SEZ6L: variants seen among roughly 807,000 people sequenced by gnomAD.
SEZ6L encodes seizure related 6 homolog like.
A neutral mutation model predicts 106.2 loss-of-function variants in SEZ6L; 37 were observed. The observed-to-expected ratio is 0.35, with a 90% CI of 0.27 to 0.46. The LOEUF (loss-of-function observed/expected upper bound fraction) is 0.46, where lower values mean the gene tolerates loss of function less well. SEZ6L is among the 20% of genes least tolerant of loss of function. The pLI, the probability that SEZ6L is intolerant of heterozygous loss-of-function variation, is 1.00. For synonymous variants in SEZ6L, 541 were observed against 570.4 expected, an observed-to-expected ratio of 0.95 and a Z score of 0.73; for missense variants, 1,172 against 1,332.8, an observed-to-expected ratio of 0.88 and a Z score of 1.88.
Position 26,313,874 on chromosome 22 carries a change from G to A in SEZ6L, c.1987G>A (p.Glu663Lys), listed in dbSNP as rs780458720. 19 of 1,609,008 alleles carry A rather than the reference G, an allele frequency of 1.2e-5. No homozygotes were observed. The highest frequency in any genetic ancestry group is 3.3e-5 in the South Asian group (3 of 90,942). Residue 663 changes from glutamate to lysine, a missense_variant, in exon 9 of 17, where the codon GAG becomes AAG. Transcript: ENST00000248933. ...TATCTGGAAGATCCACGTGGGAGAA[G>A]AGAAACGGATCTTCTTAGATATCCA... ...DCIWKIHVGE[E>K]KRIFLDIQFL...
At chr22:26,301,592 GA>G (rs2081456529) in intron 5 of SEZ6L, among the ~76,000 whole-genome samples, 1 of 152,254 alleles carries the variant, frequency 6.6e-6, no homozygotes, top group South Asian at 2.1e-4. Flanking sequence ...TTGCAATGCA[GA>G]AAAGGTATAC....
intron 16 of SEZ6L, 27 bp downstream of exon 16, chr22:26,377,802 C>T: frequency 6.8e-7 from 1 of 1,462,522 alleles, no homozygotes; most frequent in Non-Finnish European, 9.6e-7. Flanking sequence ...CGTCTCTTCC[C>T]AATTCCCTCC....
At chr22:26,196,093 G>A (rs986960044) in intron 1 of SEZ6L, among the ~76,000 whole-genome samples, 1 of 152,124 alleles carries the variant, frequency 6.6e-6, no homozygotes, top group African/African-American at 2.4e-5. Context: ...TTGATCATGG[G>A]GGTGGTCCTT....
chr22:26,316,882 AAGAAAGAAAG>A, intron 9 of SEZ6L, among the ~76,000 whole-genome samples: 1 of 74,894 alleles, frequency 1.3e-5, no homozygotes, highest in East Asian at 3.4e-4. Flanking sequence ...GAAAGAAAGA[AAGAAAGAAAG>A]AGAAAGAAAG....
At chr22:26,349,995 A>G (rs57076714) in intron 11 of SEZ6L, among the ~76,000 whole-genome samples, 5,055 of 151,856 alleles carry the variant, frequency 0.033, 275 homozygotes, top group African/African-American at 0.12. Flanking sequence ...GCTCCCCCTC[A>G]CTTTGTTCTC....
rs914543161 is a variant in SEZ6L, at chr22:26,359,593, T to G, written c.2600-5779T>G. Reference sequence around the variant, plus strand: ...CAGGAGGATCACTTGAGGTCAGGAGTTCAGGACCAGCCTGGGTAACCTCAG... The same window carrying G: ...CAGGAGGATCACTTGAGGTCAGGAGGTCAGGACCAGCCTGGGTAACCTCAG... On this transcript the variant is annotated intron_variant, in intron 12 of 16. Transcript: ENST00000248933. 2.0e-5 allele frequency among the ~76,000 whole-genome samples: 3 copies of G among 151,936 alleles called. No individual in the cohort carries two copies. The East Asian group carries it at 5.8e-4, about 29-fold the overall frequency.
chr22:26,308,057 A>T (rs1298948567), intron 6 of SEZ6L, among the ~76,000 whole-genome samples: 1 of 152,186 alleles, frequency 6.6e-6, no homozygotes, highest in East Asian at 1.9e-4. Flanking sequence ...CACAAAAATG[A>T]TGAAGACACT....
At chr22:26,339,937 C>T (rs1473356957) in intron 9 of SEZ6L, among the ~76,000 whole-genome samples, 4 of 152,160 alleles carry the variant, frequency 2.6e-5, no homozygotes, top group Non-Finnish European at 5.9e-5. Flanking sequence ...AATGTGTCTT[C>T]AAAAACCCAA....
At chr22:26,252,829 G>A (rs548763551) in intron 1 of SEZ6L, among the ~76,000 whole-genome samples, 2 of 152,322 alleles carry the variant, frequency 1.3e-5, no homozygotes, top group South Asian at 2.1e-4. Context: ...TCATTGATGG[G>A]CACCTAGGTG....
At chr22:26,281,259 G>A (rs183661021) in intron 1 of SEZ6L, among the ~76,000 whole-genome samples, 21 of 152,262 alleles carry the variant, frequency 1.4e-4, no homozygotes, top group Admixed American at 9.8e-4. Flanking sequence ...CTGCAGCCAC[G>A]TAATGCACTG....
chr22:26,192,472 C>T (rs1336074005), intron 1 of SEZ6L, among the ~76,000 whole-genome samples: 1 of 152,210 alleles, frequency 6.6e-6, no homozygotes, highest in African/African-American at 2.4e-5. Flanking sequence ...AATCATCAAG[C>T]ATACTCAGGA....
At chr22:26,367,974 T>C (rs1311817681) in intron 13 of SEZ6L, among the ~76,000 whole-genome samples, 3 of 152,194 alleles carry the variant, frequency 2.0e-5, no homozygotes, top group Non-Finnish European at 4.4e-5. Flanking sequence ...TAAGTAAAAT[T>C]TGGATTCGTT....
intron 1 of SEZ6L, among the ~76,000 whole-genome samples, chr22:26,289,479 G>GT (rs2081040893): frequency 6.6e-6 from 1 of 152,200 alleles, no homozygotes; most frequent in African/African-American, 2.4e-5. Flanking sequence ...GCTCATAACT[G>GT]TAACAGGCAG....
chr22:26,306,150 G>C lies in SEZ6L; in HGVS notation c.1514+6G>C. On this transcript the variant is annotated splice_donor_region_variant and intron_variant, in intron 6 of 16. Coordinates refer to ENST00000248933, the MANE Select transcript of SEZ6L (RefSeq NM_021115.5). ...TTGCTGCATGACAAGGACAGGTAAAGCTCTGAAGGTCCACACCCAACCCCG... is the reference window on the plus strand; with the variant it reads ...TTGCTGCATGACAAGGACAGGTAAACCTCTGAAGGTCCACACCCAACCCCG... 6.2e-7 allele frequency: 1 copy of C among 1,612,332 alleles called. No homozygotes were observed. The highest frequency in any genetic ancestry group is 8.5e-7 in the Non-Finnish European group (1 of 1,179,872).
At chr22:26,343,738 T>G (rs1466669704) in intron 10 of SEZ6L, among the ~76,000 whole-genome samples, 1 of 152,162 alleles carries the variant, frequency 6.6e-6, no homozygotes, top group Non-Finnish European at 1.5e-5. Context: ...CAGAGAATGT[T>G]TTTCAGGGAT....
At chr22:26,293,376 G>A (rs904579731) in intron 2 of SEZ6L, among the ~76,000 whole-genome samples, 1 of 152,354 alleles carries the variant, frequency 6.6e-6, no homozygotes, top group Admixed American at 6.5e-5. Flanking sequence ...TTTCGCCCAG[G>A]CTGGAGTGCC....
At chr22:26,312,303 A>G (rs184394064) in intron 8 of SEZ6L, among the ~76,000 whole-genome samples, 1 of 152,248 alleles carries the variant, frequency 6.6e-6, no homozygotes, top group Non-Finnish European at 1.5e-5. Context: ...ATTAATAAGA[A>G]CAATAATAGT....
In SEZ6L at chr22:26,344,286, T is replaced by C. The variant is rs533944743; in HGVS notation, c.2213-3433T>C. On this transcript the variant is annotated intron_variant, in intron 10 of 16. Transcript: ENST00000248933. ...TGAACAGAGAGATGCAAAGACCCAT[T>C]CACTGTTTCCTGTTCTTTGCCCACT... 7.2e-5 allele frequency among the ~76,000 whole-genome samples: 11 copies of C among 152,354 alleles called. No individual in the cohort carries two copies. In the South Asian group the frequency reaches 2.1e-3, roughly 29 times the overall value.
Position 26,347,792 on chromosome 22 carries a change from G to A in SEZ6L, c.2286G>A (p.Glu762=), listed in dbSNP as rs2083059229. 6.2e-7 allele frequency: 1 copy of A among 1,609,726 alleles called. No individual in the cohort carries two copies. Among genetic ancestry groups the A allele is most frequent in the Non-Finnish European group, 8.5e-7 (1 of 1,178,432 alleles). ...QNGWKTTSHT[E]LVRGARITYQ... ...GCTGGAAAACCACTTCTCACACGGA[G>A]TTGGTGCGGGGAGCCAGAATCACCT... Residue 762 remains glutamate (E), a synonymous_variant, in exon 11 of 17, where the codon GAG becomes GAA. Coordinates refer to ENST00000248933, the MANE Select transcript of SEZ6L (RefSeq NM_021115.5).
Sources: allele counts gnomAD v4.1 joint callset (sites outside exome capture counted in the v4.1 genomes callset), GRCh38; gene constraint gnomAD v4.1.1; transcripts MANE v1.5; gene names NCBI Gene and HGNC (gene_info 2026-07-23, HGNC 2026-07-21).